KMT5B: variants seen among roughly 807,000 people sequenced by gnomAD.
KMT5B encodes lysine methyltransferase 5B, also known as histone-lysine N-methyltransferase KMT5B.
A neutral mutation model predicts 83.2 loss-of-function variants in KMT5B; 10 were observed. The ratio of observed to expected loss-of-function variants is 0.12; its 90% CI spans 0.07 to 0.20. The LOEUF is 0.20. KMT5B is among the 10% of genes least tolerant of loss of function. The pLI, the probability that KMT5B is intolerant of heterozygous loss-of-function variation, is 1.00. For synonymous variants in KMT5B, 349 were observed against 388.8 expected (o/e 0.90, Z 1.20); for missense variants, 753 against 1,067.2 (o/e 0.71, Z 4.10).
intron 10 of KMT5B, among the ~76,000 whole-genome samples, chr11:68,165,314 G>GA (rs1471244708): frequency 2.0e-5 from 3 of 152,146 alleles, no homozygotes; most frequent in Admixed American, 1.3e-4. Context: ...GACCATCCTG[G>GA]ACAACATGGT....
chr11:68,204,672 G>A (rs1352765219), intron 1 of KMT5B, among the ~76,000 whole-genome samples: 1 of 141,102 alleles, frequency 7.1e-6, no homozygotes, highest in African/African-American at 2.6e-5. Context: ...GCTGGAGGCA[G>A]TGGTGCGATC....
chr11:68,187,161 T>A (rs1474553893), intron 2 of KMT5B, among the ~76,000 whole-genome samples: 3 of 151,842 alleles, frequency 2.0e-5, no homozygotes. Flanking sequence ...CAAACCTGGT[T>A]AATTTTTGTA....
At position 68,158,808 on chromosome 11, in the gene KMT5B, G is replaced by A. The variant is rs377163167; in HGVS notation, c.1538C>T (p.Ala513Val). The change falls in exon 11 of 11, where the codon GCG becomes GTG. Residue 513 changes from alanine (A) to valine (V), a missense_variant. Physicochemically the swap from Ala to Val is moderately conservative, Grantham distance 64 (BLOSUM62 0). Transcript: ENST00000304363. ...AGGATTCTGTCTGTGTTCTCTCGCC[G>A]CGTGTCTAGTCAAGCACCCGCTGGC... ...AVASGCLTRH[A>V]AREHRQNPVR... The A allele has an allele frequency of 9.3e-6, 15 of 1,614,018 alleles. No homozygotes were observed. Among genetic ancestry groups the A allele is most frequent in the African/African-American group, 5.3e-5 (4 of 74,928 alleles).
chr11:68,203,908 A>G (rs1859754366), intron 1 of KMT5B, among the ~76,000 whole-genome samples: 1 of 152,206 alleles, frequency 6.6e-6, no homozygotes, highest in African/African-American at 2.4e-5. Flanking sequence ...ACTCCATAGC[A>G]AAGAATACGT....
At chr11:68,199,921 G>A (rs1470775678) in intron 1 of KMT5B, among the ~76,000 whole-genome samples, 1 of 152,150 alleles carries the variant, frequency 6.6e-6, no homozygotes, top group African/African-American at 2.4e-5. Flanking sequence ...TAATATTTAG[G>A]GATGTGACAA....
chr11:68,171,787 CAAT>C lies in KMT5B; in HGVS notation c.654-81_654-79del. 8.4e-7 allele frequency: 1 copy of C among 1,185,698 alleles called. No homozygotes were observed. Among genetic ancestry groups the C allele is most frequent in the Non-Finnish European group, 1.2e-6 (1 of 841,496 alleles). 73.4% of individuals were successfully genotyped at this position (1,185,698 alleles called of 1,614,324 possible). ...GCTTCTTTTAATAAAATAATCCTGA[CAAT>C]AAATATCAGAAACTGAAAAGGCCTA... On this transcript the variant is annotated intron_variant, in intron 6 of 10. Transcript: ENST00000304363. This position sits in a 1 kb window ranked among gnomAD's most constrained non-coding sequence, Gnocchi z 5.1.
chr11:68,171,191 G>A lies in KMT5B; in HGVS notation c.841-40C>T. 6.2e-7 allele frequency: 1 copy of A among 1,605,066 alleles called. No individual in the cohort carries two copies. The highest frequency in any genetic ancestry group is 1.3e-5 in the African/African-American group (1 of 74,198). On this transcript the variant is annotated intron_variant, in intron 8 of 10. Transcript: ENST00000304363. This position sits in a 1 kb window ranked among gnomAD's most constrained non-coding sequence, Gnocchi z 5.1. ...ACTCAGTAAGAAACTCACACCTGAAGCAAAAACAAAATACTTGAAGAAAAT... is the reference window on the plus strand; with the variant it reads ...ACTCAGTAAGAAACTCACACCTGAAACAAAAACAAAATACTTGAAGAAAAT...
chr11:68,211,029 C>T (rs901367962), intron 1 of KMT5B, among the ~76,000 whole-genome samples: 1 of 152,194 alleles, frequency 6.6e-6, no homozygotes, highest in African/African-American at 2.4e-5. Context: ...GCCACACACA[C>T]AAATCTCTTT....
Position 68,171,825 on chromosome 11 carries a change from A to G in KMT5B, c.654-116T>C, listed in dbSNP as rs1409999011. The G allele has an allele frequency of 4.7e-6, 4 of 857,458 alleles. No homozygotes were observed. The East Asian group carries it at 1.1e-4, about 23-fold the overall frequency. 53.1% of individuals were successfully genotyped at this position (857,458 alleles called of 1,614,324 possible). A position where few individuals can be genotyped will look rare whatever the true frequency, so the allele number is the denominator to read the frequency against. ...AAACTGAAAAGGCCTAGCTGTCTAT[A>G]CTTTAGTTAGCTCACTGGGATCCCC... On this transcript the variant is annotated intron_variant, in intron 6 of 10. Transcript: ENST00000304363. This position sits in a 1 kb window ranked among gnomAD's most constrained non-coding sequence, Gnocchi z 5.1.
rs1280199047 is a variant in KMT5B at position 68,157,697 on chromosome 11, A to T, written c.2649T>A (p.Leu883=). The change falls in exon 11 of 11, where the codon CTT becomes CTA. Residue 883 remains leucine, a synonymous_variant. Coordinates refer to ENST00000304363, the MANE Select transcript of KMT5B (RefSeq NM_017635.5). ...AGTTAAGACCAAGAGCTTAGGCATT[A>T]AGCCTTAAAGACTGATCTTCTCTTC... ...SRRREDQSLR[L]NA 6.4e-7 allele frequency: 1 copy of T among 1,562,024 alleles called. No individual in the cohort carries two copies. Among genetic ancestry groups the T allele is most frequent in the African/African-American group, 1.4e-5 (1 of 72,906 alleles).
intron 10 of KMT5B, among the ~76,000 whole-genome samples, chr11:68,163,233 G>A (rs1355016715): frequency 6.6e-6 from 1 of 152,198 alleles, no homozygotes; most frequent in Non-Finnish European, 1.5e-5. Flanking sequence ...TACATGCTAG[G>A]TGCTGTGCAA....
intron 3 of KMT5B, among the ~76,000 whole-genome samples, chr11:68,180,551 G>A (rs764815508): frequency 7.2e-5 from 11 of 152,238 alleles, no homozygotes; most frequent in South Asian, 2.1e-4. Context: ...AAAATTAGAT[G>A]GTTATAACAG....
At position 68,171,468 on chromosome 11, in the gene KMT5B, G is replaced by A; in HGVS notation, c.820+75C>T. On this transcript the variant is annotated intron_variant, in intron 7 of 10. Transcript: ENST00000304363. This position sits in a 1 kb window ranked among gnomAD's most constrained non-coding sequence, Gnocchi z 5.1. ...TTTAAAGGAAGATAAAGGTTTGACT[G>A]AGGTTGACAAGGCCATTCTAGCAGT... The A allele has an allele frequency of 1.4e-6, 2 of 1,468,834 alleles. No individual in the cohort carries two copies. The highest frequency in any genetic ancestry group is 1.9e-6 in the Non-Finnish European group (2 of 1,072,830). The allele number at this position is 1,468,834 out of a possible 1,614,324, so 91.0% of individuals were successfully genotyped here.
intron 1 of KMT5B, among the ~76,000 whole-genome samples, chr11:68,206,207 C>T (rs748915136): frequency 2.0e-5 from 3 of 152,214 alleles, no homozygotes; most frequent in Non-Finnish European, 4.4e-5. Context: ...ACATTTGATC[C>T]ATCTGCTTAC....
At chr11:68,159,956 C>G (rs1854712333) in intron 10 of KMT5B, among the ~76,000 whole-genome samples, 1 of 152,202 alleles carries the variant, frequency 6.6e-6, no homozygotes, top group Non-Finnish European at 1.5e-5. Flanking sequence ...GATCCAACTT[C>G]TTTCCTCCAA....
chr11:68,166,893 AAAGTTT>A, intron 10 of KMT5B, 83 bp downstream of exon 10: 1 of 1,544,664 alleles, frequency 6.5e-7, no homozygotes, highest in Admixed American at 1.9e-5. Flanking sequence ...TGAGTATTTA[AAAGTTT>A]AAAACTACTG....
chr11:68,183,181 G>C (rs1487470998), intron 3 of KMT5B, among the ~76,000 whole-genome samples: 1 of 150,368 alleles, frequency 6.7e-6, no homozygotes, highest in Non-Finnish European at 1.5e-5. Context: ...CTGTGTCAAA[G>C]AGTGATTCAT....
intron 2 of KMT5B, among the ~76,000 whole-genome samples, chr11:68,187,275 G>A (rs755735487): frequency 6.6e-6 from 1 of 152,164 alleles, no homozygotes; most frequent in Non-Finnish European, 1.5e-5. Flanking sequence ...TGGGATTACA[G>A]GCGTGAGCCA....
chr11:68,158,128 A>C lies in KMT5B; in HGVS notation c.2218T>G (p.Ser740Ala), dbSNP rs768407673. The C allele has an allele frequency of 6.2e-7, 1 of 1,614,192 alleles. No homozygotes were observed. The highest frequency in any genetic ancestry group is 8.5e-7 in the Non-Finnish European group (1 of 1,180,044). Residue 740 changes from serine (S) to alanine (A), a missense_variant, in exon 11 of 11, where the codon TCT becomes GCT. Physicochemically the swap from Ser to Ala is moderately conservative, Grantham distance 99. Around this residue, in one of 9 missense-constraint regions of KMT5B, gnomAD observed 161 missense variants for 195.1 expected, o/e 0.83. Coordinates refer to ENST00000304363, the MANE Select transcript of KMT5B (RefSeq NM_017635.5). The part of the protein sequence containing the change: ...TNDQENDGMN[S>A]SKISIKLSKD... ...CTTAACTTGATGCTTATTTTGGAAGAGTTCATTCCATCATTCTCTTGGTCA... is the reference window on the plus strand; with the variant it reads ...CTTAACTTGATGCTTATTTTGGAAGCGTTCATTCCATCATTCTCTTGGTCA...
Sources: allele counts gnomAD v4.1 joint callset (sites outside exome capture counted in the v4.1 genomes callset), GRCh38; gene constraint gnomAD v4.1.1; regional missense constraint gnomAD v4.1.1; non-coding constraint Gnocchi (gnomAD v3.1); transcripts MANE v1.5; gene names NCBI Gene and HGNC (gene_info 2026-07-23, HGNC 2026-07-21).